MEP1B: variants seen among roughly 807,000 people sequenced by gnomAD.
The protein encoded by MEP1B is meprin A subunit beta, also known as N-benzoyl-L-tyrosyl-P-amino-benzoic acid hydrolase subunit beta.
A neutral mutation model predicts 84.6 loss-of-function variants in MEP1B; 80 were observed. The observed-to-expected ratio is 0.95, with a 90% confidence interval of 0.79 to 1.14. MEP1B has a LOEUF of 1.14. MEP1B is among the 50% of genes most tolerant of loss of function. MEP1B has a pLI of 0.00. For synonymous variants in MEP1B, 273 were observed against 288.1 expected (o/e 0.95, Z 0.53); for missense variants, 766 against 855.1 (o/e 0.90, Z 1.30).
intron 5 of MEP1B, among the ~76,000 whole-genome samples, chr18:32,200,836 T>C (rs2144394241): frequency 6.6e-6 from 1 of 152,062 alleles, no homozygotes; most frequent in South Asian, 2.1e-4. Context: ...GGGTAAAGAG[T>C]TGGGGATGGA....
At chr18:32,199,253 T>C (rs1869132399) in intron 5 of MEP1B, among the ~76,000 whole-genome samples, 1 of 152,242 alleles carries the variant, frequency 6.6e-6, no homozygotes, top group African/African-American at 2.4e-5. Context: ...TGAGTATGGA[T>C]GAGCATTTCA....
At chr18:32,197,927 CA>C (rs1231227055) in intron 5 of MEP1B, among the ~76,000 whole-genome samples, 3 of 152,160 alleles carry the variant, frequency 2.0e-5, no homozygotes, top group African/African-American at 7.2e-5. Context: ...CTTTTGTTCT[CA>C]TCTTTACATC....
At position 32,196,471 on chromosome 18, in the gene MEP1B, C is replaced by A; in HGVS notation, c.250+986C>A. ...GCCCTTCCTTCTGGTGCTGCAGGGC[C>A]GACCGGAAACTCAGCTTTGCTCTCA... On this transcript the variant is annotated intron_variant, in intron 5 of 14. Coordinates refer to ENST00000269202, the MANE Select transcript of MEP1B (RefSeq NM_005925.3). The surrounding 1 kb of genome is among the most constrained non-coding windows in gnomAD (Gnocchi z 4.4). The A allele has an allele frequency of 2.9e-6, 2 of 694,096 alleles. No homozygotes were observed. The highest frequency in any genetic ancestry group is 5.3e-6 in the Non-Finnish European group (2 of 376,396). 43.0% of individuals were successfully genotyped at this position (694,096 alleles called of 1,614,324 possible).
intron 6 of MEP1B, among the ~76,000 whole-genome samples, chr18:32,203,787 A>G (rs188909602): frequency 1.7e-3 from 265 of 152,242 alleles, no homozygotes; most frequent in Middle Eastern, 6.8e-3. Flanking sequence ...TCATAGTGGA[A>G]GGTGAGGGTG....
chr18:32,213,180 G>T lies in MEP1B; in HGVS notation c.1200G>T (p.Val400=). Residue 400 remains valine, a synonymous_variant, in exon 11 of 15, where the codon GTG becomes GTT. Transcript: ENST00000269202. The part of the protein sequence containing the change: ...VTLKVTKKFR[V]VFEGRKGSGA... ...TGAAAGTGACCAAGAAGTTTAGAGT[G>T]GTGTTTGAAGGACGCAAAGGCTCTG... 2 of 1,613,994 alleles carry T rather than the reference G, an allele frequency of 1.2e-6. No individual in the cohort carries two copies. Among genetic ancestry groups the T allele is most frequent in the Non-Finnish European group, 1.7e-6 (2 of 1,179,868 alleles).
At chr18:32,199,704 C>CTTCCTTCCTTCCT (rs1467871025) in intron 5 of MEP1B, among the ~76,000 whole-genome samples, 34 of 141,798 alleles carry the variant, frequency 2.4e-4, no homozygotes, top group African/African-American at 8.8e-4. Context: ...TCCTTCCTTC[C>CTTCCTTCCTTCCT]TTCCTTCTTT....
intron 12 of MEP1B, 104 bp downstream of exon 12, chr18:32,215,365 A>G (rs1471859060): frequency 1.0e-5 from 7 of 675,782 alleles, no homozygotes; most frequent in Non-Finnish European, 1.7e-5. Flanking sequence ...TGTATTATAT[A>G]GAGATGTGGG....
In MEP1B at chr18:32,207,275, T is replaced by C. The variant is rs1454158776; in HGVS notation, c.571T>C (p.Tyr191His). The change falls in exon 8 of 15, where the codon TAT (tyrosine) becomes CAT (histidine). Residue 191 changes from tyrosine (Y) to histidine (H), a missense_variant. Transcript: ENST00000269202. ...LSGREHNFNT[Y>H]SDDISDSLNV... ...AGGCAGAGAGCACAATTTTAACACC[T>C]ATAGTGACGATATATCAGATTCCCT... 1.9e-6 allele frequency: 3 copies of C among 1,612,054 alleles called. No individual in the cohort carries two copies. The highest frequency in any genetic ancestry group is 2.5e-6 in the Non-Finnish European group (3 of 1,178,472).
intron 4 of MEP1B, among the ~76,000 whole-genome samples, chr18:32,193,211 G>T (rs1350079970): frequency 6.6e-6 from 1 of 152,086 alleles, no homozygotes; most frequent in African/African-American, 2.4e-5. Context: ...CCAATAAATA[G>T]ATTTTGTGAC....
At chr18:32,198,656 C>T (rs1234299053) in intron 5 of MEP1B, among the ~76,000 whole-genome samples, 2 of 152,086 alleles carry the variant, frequency 1.3e-5, no homozygotes, top group African/African-American at 4.8e-5. Context: ...GGAAGTTGAG[C>T]AGGTAGGCGG....
chr18:32,216,367 C>G, intron 12 of MEP1B, among the ~76,000 whole-genome samples: 1 of 152,156 alleles, frequency 6.6e-6, no homozygotes, highest in Non-Finnish European at 1.5e-5. Flanking sequence ...TTGACCATAG[C>G]GATTTCAACC....
rs200539508 is a variant in MEP1B at position 32,204,249 on chromosome 18, C to T, written c.436C>T (p.Arg146Ter). 203 of 1,604,870 alleles carry T rather than the reference C, an allele frequency of 1.3e-4. No homozygotes were observed. Among genetic ancestry groups the T allele is most frequent in the Middle Eastern group, 6.6e-4 (4 of 6,078 alleles). Reference protein sequence around the residue: ...QELSIGANCDRIATVQHEFLH... With the variant: ...QELSIGANCD Reference sequence around the variant, plus strand: ...ACTTTCCATCGGGGCAAACTGTGACCGAATAGCAACAGTTCAACACGAGTT... The same window carrying T: ...ACTTTCCATCGGGGCAAACTGTGACTGAATAGCAACAGTTCAACACGAGTT... The change falls in exon 7 of 15, where the codon CGA becomes TGA. Residue 146 changes from arginine to a stop codon, truncating the protein, a stop_gained. Transcript: ENST00000269202. LOFTEE classifies it high-confidence loss of function.
intron 10 of MEP1B, among the ~76,000 whole-genome samples, chr18:32,212,373 T>A (rs1270801040): frequency 6.6e-6 from 1 of 152,208 alleles, no homozygotes; most frequent in African/African-American, 2.4e-5. Context: ...TAGTTTGACA[T>A]GAATTCCTCA....
intron 12 of MEP1B, among the ~76,000 whole-genome samples, chr18:32,216,305 G>C (rs1332644417): frequency 1.3e-5 from 2 of 152,162 alleles, no homozygotes; most frequent in African/African-American, 2.4e-5. Context: ...TCTGTTAAGA[G>C]AGAAAATATT....
intron 11 of MEP1B, 73 bp downstream of exon 11, chr18:32,213,632 G>A: frequency 1.7e-6 from 2 of 1,165,186 alleles, no homozygotes; most frequent in Non-Finnish European, 2.5e-6. Context: ...TTGGGAATGA[G>A]GGATTGCACA....
intron 5 of MEP1B, among the ~76,000 whole-genome samples, chr18:32,202,573 G>T (rs1168231671): frequency 6.6e-6 from 1 of 152,196 alleles, no homozygotes; most frequent in African/African-American, 2.4e-5. Flanking sequence ...GTACGTGATG[G>T]TGATTATTTA....
intron 1 of MEP1B, among the ~76,000 whole-genome samples, chr18:32,190,934 G>A (rs1371093741): frequency 6.6e-6 from 1 of 152,046 alleles, no homozygotes; most frequent in African/African-American, 2.4e-5. Context: ...AATGATTCTA[G>A]TATTTAGATA....
Position 32,217,027 on chromosome 18 carries a change from C to A in MEP1B, c.1796C>A (p.Thr599Lys). The change falls in exon 13 of 15, where the codon ACA (threonine) becomes AAA (lysine). Residue 599 changes from threonine (T) to lysine (K), a missense_variant. By Grantham distance (78) the Thr-to-Lys change is moderately conservative. Transcript: ENST00000269202. ...CTCAACTCTACACAAATCCAGCTAA[C>A]ACCAGCCCCTAGTGTTCAAGACCTC... ...SHLNSTQIQL[T>K]PAPSVQDLCS... The A allele has an allele frequency of 6.2e-7, 1 of 1,613,992 alleles. No individual in the cohort carries two copies. The highest frequency in any genetic ancestry group is 8.5e-7 in the Non-Finnish European group (1 of 1,179,854).
At chr18:32,200,419 G>A (rs1302781107) in intron 5 of MEP1B, among the ~76,000 whole-genome samples, 2 of 151,794 alleles carry the variant, frequency 1.3e-5, no homozygotes, top group Non-Finnish European at 2.9e-5. Context: ...ATGTGATTTT[G>A]ATTATTTCTT....
Sources: gnomAD v4.1 joint callset for allele counts (sites outside exome capture counted in the v4.1 genomes callset) on GRCh38, gnomAD v4.1.1 for gene constraint, Gnocchi (gnomAD v3.1) non-coding constraint, MANE v1.5 for transcripts, NCBI Gene and HGNC (gene_info 2026-07-23, HGNC 2026-07-21) for gene names.